The following SEZ6L2 variants were observed in gnomAD, a reference collection of about 807,000 sequenced individuals.
SEZ6L2 encodes seizure related 6 homolog like 2.
Under a neutral mutation model 97.0 loss-of-function variants are expected in SEZ6L2, and 44 were observed. The ratio of observed to expected loss-of-function variants is 0.45; its 90% CI spans 0.36 to 0.58. SEZ6L2 has a LOEUF of 0.58. SEZ6L2 is among the 20% of genes least tolerant of loss of function. SEZ6L2 has a pLI of 0.00. For missense variants in SEZ6L2, 1,086 were observed against 1,233.3 expected (o/e 0.88, Z 1.79); for synonymous variants, 543 against 546.1 (o/e 0.99, Z 0.08).
At chr16:29,892,350 C>T (rs988119921) in intron 5 of SEZ6L2, among the ~76,000 whole-genome samples, 2 of 152,222 alleles carry the variant, frequency 1.3e-5, no homozygotes, top group Non-Finnish European at 2.9e-5. Context: ...TTCCACTTAG[C>T]CTAAGGAGTC....
chr16:29,894,996 G>A lies in SEZ6L2; in HGVS notation c.853+263C>T, dbSNP rs573351436. Among the ~76,000 whole-genome samples the A allele has an allele frequency of 5.3e-5, 8 of 152,048 alleles. No individual in the cohort carries two copies. The South Asian group carries it at 6.2e-4, about 12-fold the overall frequency. ...AGATCGAGACCATCCTGGCTAACGC[G>A]GTGAAATCCCATCTCTACTAAAAAT... On this transcript the variant is annotated intron_variant, in intron 5 of 17. Coordinates refer to ENST00000617533, the MANE Select transcript of SEZ6L2 (RefSeq NM_001243332.2).
chr16:29,878,724 A>G (rs1455270522), intron 9 of SEZ6L2, among the ~76,000 whole-genome samples: 1 of 149,164 alleles, frequency 6.7e-6, no homozygotes, highest in Non-Finnish European at 1.5e-5. Context: ...AGCTGGGACT[A>G]CAGGCGCCGC....
rs1245485253 is a variant in SEZ6L2 at position 29,897,863 on chromosome 16, G to T, written c.201C>A (p.Gly67=). The T allele has an allele frequency of 6.2e-7, 1 of 1,604,756 alleles. No individual in the cohort carries two copies. The highest frequency in any genetic ancestry group is 1.3e-5 in the African/African-American group (1 of 74,220). ...CTCTGGGGGCCTCACCTGGCAGGTAGCCCATCTCTGGGCCCCTCCTCAGCA... is the reference window on the plus strand; with the variant it reads ...CTCTGGGGGCCTCACCTGGCAGGTATCCCATCTCTGGGCCCCTCCTCAGCA... The part of the protein sequence containing the change: ...GALLRRGPEM[G]YLPGSDRDPT... The change falls in exon 2 of 18, where the codon GGC becomes GGA. Residue 67 remains glycine (G), a synonymous_variant. Transcript: ENST00000617533.
chr16:29,872,312 A>G, intron 16 of SEZ6L2, 29 bp from the exon 17 acceptor site: 4 of 1,603,990 alleles, frequency 2.5e-6, no homozygotes, highest in Non-Finnish European at 2.6e-6. Context: ...AGAGGAGCTT[A>G]TCAACAGGTA....
chr16:29,871,668 G>A lies in SEZ6L2; in HGVS notation c.*31C>T, dbSNP rs764746605. 1.9e-6 allele frequency: 3 copies of A among 1,601,994 alleles called. No individual in the cohort carries two copies. Among genetic ancestry groups the A allele is most frequent in the East Asian group, 2.3e-5 (1 of 44,416 alleles). Reference sequence around the variant, plus strand: ...CTGCCCGAATGAGGAGGGGAGGGGCGTCCTGGGTCCTGCAGCTGTAGTCTT... The same window carrying A: ...CTGCCCGAATGAGGAGGGGAGGGGCATCCTGGGTCCTGCAGCTGTAGTCTT... On this transcript the variant is annotated 3_prime_UTR_variant, in exon 18 of 18. Transcript: ENST00000617533.
chr16:29,895,461 C>T lies in SEZ6L2; in HGVS notation c.652-1G>A. On this transcript the variant is annotated splice_acceptor_variant, in intron 4 of 17. Transcript: ENST00000617533. LOFTEE classifies it high-confidence loss of function. ...CCTGTGACAGGTTCAGCGTCTGCAC[C>T]TAGAGAAGCCAGACACAGACCCGCC... 1 of 1,613,680 alleles carries T rather than the reference C, an allele frequency of 6.2e-7. No homozygotes were observed. The highest frequency in any genetic ancestry group is 8.5e-7 in the Non-Finnish European group (1 of 1,179,764).
At position 29,897,068 on chromosome 16, in the gene SEZ6L2, C is replaced by T; in HGVS notation, c.265G>A (p.Val89Met). Reference protein sequence around the residue: ...ATPPAGQTLAVPSLPRATEPG... With the variant: ...ATPPAGQTLAMPSLPRATEPG... ...TCAGTGGCCCGTGGCAGGGAGGGCACTGCGAGAGTCTGGCCGGCCGGAGGG... is the reference window on the plus strand; with the variant it reads ...TCAGTGGCCCGTGGCAGGGAGGGCATTGCGAGAGTCTGGCCGGCCGGAGGG... Residue 89 changes from valine to methionine, a missense_variant, in exon 3 of 18, where the codon GTG (valine) becomes ATG (methionine). Physicochemically the swap from Val to Met is conservative, Grantham distance 21. Transcript: ENST00000617533. The T allele has an allele frequency of 3.8e-6, 6 of 1,580,748 alleles. No homozygotes were observed. The highest frequency in any genetic ancestry group is 5.1e-6 in the Non-Finnish European group (6 of 1,171,280).
intron 8 of SEZ6L2, among the ~76,000 whole-genome samples, chr16:29,880,404 C>A (rs958452820): frequency 5.3e-5 from 8 of 152,138 alleles, no homozygotes; most frequent in Admixed American, 1.3e-4. Context: ...TGGCTCACCG[C>A]AACCTCCGCC....
intron 8 of SEZ6L2, among the ~76,000 whole-genome samples, chr16:29,884,762 A>T (rs1247166024): frequency 6.6e-6 from 1 of 150,876 alleles, no homozygotes; most frequent in Non-Finnish European, 1.5e-5. Context: ...AAAAATACAA[A>T]ATTAGCTGGG....
intron 5 of SEZ6L2, among the ~76,000 whole-genome samples, chr16:29,892,023 C>T (rs753403304): frequency 3.3e-5 from 5 of 152,170 alleles, no homozygotes; most frequent in Non-Finnish European, 7.3e-5. Flanking sequence ...ATCTACATAA[C>T]CTTTGAGTCT....
At position 29,872,336 on chromosome 16, in the gene SEZ6L2, C is replaced by T. The variant is rs148675918; in HGVS notation, c.2646-53G>A. On this transcript the variant is annotated intron_variant, in intron 16 of 17. Transcript: ENST00000617533. ...TATCAACAGGTAAGCCCCTGAGCTC[C>T]CCTGACCCAGGCTCCAGTGCCAGGC... The T allele has an allele frequency of 1.6e-4, 252 of 1,599,828 alleles. No individual in the cohort carries two copies. In the East Asian group the frequency reaches 5.2e-3, roughly 33 times the overall value.
chr16:29,878,304 G>A lies in SEZ6L2; in HGVS notation c.1695C>T (p.Ile565=). 1 of 1,590,786 alleles carries A rather than the reference G, an allele frequency of 6.3e-7. No homozygotes were observed. The highest frequency in any genetic ancestry group is 1.2e-5 in the South Asian group (1 of 86,642). The change falls in exon 10 of 18, where the codon ATC becomes ATT. Residue 565 remains isoleucine (I), a synonymous_variant. Coordinates refer to ENST00000617533, the MANE Select transcript of SEZ6L2 (RefSeq NM_001243332.2). ...AAACATACATCTCAACTTGGAGCAA[G>A]ATGCGCTTCTCTTCCTGGACGTGCA... is the stretch of plus-strand genomic sequence containing the variant. ...WGVHVQEEKR[I]LLQVEILNVR...
chr16:29,894,030 C>T (rs1271006766), intron 5 of SEZ6L2, among the ~76,000 whole-genome samples: 1 of 152,152 alleles, frequency 6.6e-6, no homozygotes, highest in Non-Finnish European at 1.5e-5. Flanking sequence ...GCCACCATGC[C>T]TGGCTAATTT....
intron 7 of SEZ6L2, 61 bp downstream of exon 7, chr16:29,887,588 A>AG: frequency 1.4e-6 from 2 of 1,469,722 alleles, no homozygotes; most frequent in African/African-American, 1.4e-5. Flanking sequence ...CTGGGATTAC[A>AG]GGCATGAGCC....
In SEZ6L2 at chr16:29,876,936, C is replaced by T; in HGVS notation, c.1924G>A (p.Asp642Asn). The T allele has an allele frequency of 1.2e-6, 2 of 1,607,970 alleles. No homozygotes were observed. Among genetic ancestry groups the T allele is most frequent in the Non-Finnish European group, 1.7e-6 (2 of 1,176,244 alleles). The part of the protein sequence containing the change: ...VLHFKEVPRN[D>N]TCPELPPPEW... ...GGAGGTGGCAGCTCGGGGCACGTGT[C>T]GTTCCTCGGGACCTCTGCAGGGGAG... The change falls in exon 12 of 18, where the codon GAC becomes AAC. Residue 642 changes from aspartate to asparagine, a missense_variant. Coordinates refer to ENST00000617533, the MANE Select transcript of SEZ6L2 (RefSeq NM_001243332.2). This position sits in a 1 kb window ranked among gnomAD's most constrained non-coding sequence, Gnocchi z 6.5.
In SEZ6L2 at chr16:29,885,573, G is replaced by A. The variant is rs775513930; in HGVS notation, c.1372+13C>T. 5.0e-6 allele frequency: 8 copies of A among 1,609,948 alleles called. No homozygotes were observed. Among genetic ancestry groups the A allele is most frequent in the Non-Finnish European group, 6.8e-6 (8 of 1,176,852 alleles). On this transcript the variant is annotated intron_variant, in intron 8 of 17. Transcript: ENST00000617533. ...GTGGCGGTTGGGGTCCTGTGGGGGA[G>A]TGGGTCACTTACCTTCAAATCGAAG... is the stretch of plus-strand genomic sequence containing the variant.
At chr16:29,878,925 CAG>C (rs1011768214) in intron 9 of SEZ6L2, among the ~76,000 whole-genome samples, 4 of 141,324 alleles carry the variant, frequency 2.8e-5, no homozygotes, top group Admixed American at 1.4e-4. Flanking sequence ...TTTTTTTAGA[CAG>C]AGTCTCACTC....
At chr16:29,897,745 C>G (rs368254407) in intron 2 of SEZ6L2, 108 bp downstream of exon 2, 1 of 1,311,050 alleles carries the variant, frequency 7.6e-7, no homozygotes, top group Non-Finnish European at 1.0e-6. Flanking sequence ...AGGCTCTTTC[C>G]TCTGCAGTCT....
rs766235683 is a variant in SEZ6L2 at position 29,872,400 on chromosome 16, G to GCTA, written c.2645+6_2645+8dup. 3.1e-6 allele frequency: 5 copies of GCTA among 1,613,118 alleles called. No homozygotes were observed. The Admixed American group carries it at 8.3e-5, about 27-fold the overall frequency. On this transcript the variant is annotated intron_variant, in intron 16 of 17. Coordinates refer to ENST00000617533, the MANE Select transcript of SEZ6L2 (RefSeq NM_001243332.2). ...GCCCTGGCCGGCAGTCCCCAAGCAG[G>GCTA]CTACTTACTTGGTGTAGTAGATGTA...
Sources: gnomAD v4.1 joint callset for allele counts (sites outside exome capture counted in the v4.1 genomes callset) on GRCh38, gnomAD v4.1.1 for gene constraint, Gnocchi (gnomAD v3.1) non-coding constraint, MANE v1.5 for transcripts, NCBI Gene and HGNC (gene_info 2026-07-23, HGNC 2026-07-21) for gene names.